SPAG16: variants seen among roughly 807,000 people sequenced by gnomAD.
SPAG16 encodes the protein sperm associated antigen 16, also known as sperm-associated antigen 16 protein.
SPAG16 carries 86 observed loss-of-function variants against 80.4 expected under a neutral mutation model. The ratio of observed to expected loss-of-function variants is 1.07; its 90% confidence interval spans 0.90 to 1.28. The LOEUF (loss-of-function observed/expected upper bound fraction) is 1.28. SPAG16 is among the 50% of genes most tolerant of loss of function. The probability of loss-of-function intolerance (pLI) is 0.00; values close to 1 mark genes in which losing one functional copy is unlikely to be tolerated. For missense variants in SPAG16, 870 were observed against 765.3 expected, an observed-to-expected ratio of 1.14 and a Z score of -1.61; for synonymous variants, 294 against 265.9, an observed-to-expected ratio of 1.11 and a Z score of -1.03.
Position 214,379,594 on chromosome 2 carries a change from G to A in SPAG16, c.1721-30546G>A, listed in dbSNP as rs553656213. ...GGAGGCTAAGAAGTCTGAAGACATC[G>A]GACATTCTCCAAATTTATGTAAATT... is the stretch of plus-strand genomic sequence containing the variant. On this transcript the variant is annotated intron_variant, in intron 15 of 15. Transcript: ENST00000331683. Among the ~76,000 whole-genome samples the A allele has an allele frequency of 5.9e-5, 9 of 152,270 alleles. 1 individual carries two copies. The highest frequency in any genetic ancestry group is 3.9e-4 in the Admixed American group (6 of 15,296).
intron 14 of SPAG16, among the ~76,000 whole-genome samples, chr2:214,134,903 A>G (rs926937799): frequency 6.6e-6 from 1 of 152,146 alleles, no homozygotes; most frequent in Admixed American, 6.6e-5. Flanking sequence ...CACATTCCCC[A>G]TGGAGTAGTA....
intron 9 of SPAG16, among the ~76,000 whole-genome samples, chr2:213,474,865 A>C (rs2073283730): frequency 1.3e-5 from 2 of 152,142 alleles, no homozygotes; most frequent in African/African-American, 4.8e-5. Flanking sequence ...CCACTGACTC[A>C]AATGTTAATC....
chr2:214,166,881 A>G (rs1449107654), intron 15 of SPAG16, among the ~76,000 whole-genome samples: 1 of 152,180 alleles, frequency 6.6e-6, no homozygotes, highest in East Asian at 1.9e-4. Context: ...ATGAAAATAA[A>G]TAATGCTAGT....
At chr2:213,440,115 G>A (rs2070852897) in intron 9 of SPAG16, among the ~76,000 whole-genome samples, 1 of 152,164 alleles carries the variant, frequency 6.6e-6, no homozygotes, top group South Asian at 2.1e-4. Context: ...AGTTTTGTGT[G>A]TGTGTGTGTT....
intron 14 of SPAG16, among the ~76,000 whole-genome samples, chr2:214,141,752 A>T (rs2055372168): frequency 6.6e-6 from 1 of 152,132 alleles, no homozygotes; most frequent in South Asian, 2.1e-4. Flanking sequence ...ATTAATTGAA[A>T]TGTCTTTAAA....
intron 10 of SPAG16, among the ~76,000 whole-genome samples, chr2:213,850,909 A>G (rs1016924395): frequency 3.9e-5 from 6 of 152,074 alleles, no homozygotes; most frequent in African/African-American, 1.4e-4. Context: ...TTCTCATAAC[A>G]TACCAGTCTA....
At chr2:214,100,538 T>A (rs1362087676) in intron 13 of SPAG16, among the ~76,000 whole-genome samples, 1 of 152,082 alleles carries the variant, frequency 6.6e-6, no homozygotes, top group African/African-American at 2.4e-5. Context: ...TTCTCCCACC[T>A]TCCACCCTCA....
intron 9 of SPAG16, among the ~76,000 whole-genome samples, chr2:213,396,107 G>T (rs1319900629): frequency 6.6e-6 from 1 of 152,000 alleles, no homozygotes; most frequent in Non-Finnish European, 1.5e-5. Context: ...AACATATTTG[G>T]ATATATCCTA....
Position 213,579,959 on chromosome 2 carries a change from A to G in SPAG16, c.1070+89869A>G, listed in dbSNP as rs142074438. On this transcript the variant is annotated intron_variant, in intron 10 of 15. Coordinates refer to ENST00000331683, the MANE Select transcript of SPAG16 (RefSeq NM_024532.5). The stretch of plus-strand genomic sequence containing the variant: ...GGAGATTAACATTGTTTATCTAAAT[A>G]CTGATGGGGTTCAAAACATACTATA... 5.1e-3 allele frequency among the ~76,000 whole-genome samples: 770 copies of G among 152,258 alleles called. 10 individuals are homozygous for G. Among genetic ancestry groups the G allele is most frequent in the African/African-American group, 0.017 (727 of 41,574 alleles).
chr2:214,265,322 T>C (rs56166027), intron 15 of SPAG16, among the ~76,000 whole-genome samples: 59,815 of 151,958 alleles, frequency 0.39, 14,521 homozygotes, highest in South Asian at 0.57. Flanking sequence ...TAGTATCTCA[T>C]TGTTGTTTTA....
chr2:213,658,319 C>T (rs2063296913), intron 10 of SPAG16, among the ~76,000 whole-genome samples: 2 of 152,128 alleles, frequency 1.3e-5, no homozygotes. Flanking sequence ...TCAACTTCCT[C>T]ATAATCTAGC....
At chr2:214,168,854 A>G (rs900851073) in intron 15 of SPAG16, among the ~76,000 whole-genome samples, 8 of 149,292 alleles carry the variant, frequency 5.4e-5, no homozygotes, top group African/African-American at 2.1e-4. Flanking sequence ...CTTCCAAAGG[A>G]TGTGGTACTA....
intron 12 of SPAG16, among the ~76,000 whole-genome samples, chr2:213,951,663 A>G (rs1575632115): frequency 1.3e-5 from 2 of 152,210 alleles, no homozygotes; most frequent in Admixed American, 6.5e-5. Context: ...AAATATGACA[A>G]AAGAGTATAA....
chr2:214,043,120 G>A (rs1216786455), intron 13 of SPAG16, among the ~76,000 whole-genome samples: 1 of 151,614 alleles, frequency 6.6e-6, no homozygotes, highest in East Asian at 1.9e-4. Context: ...CCTTAGTCAT[G>A]CAGTTCTGCC....
At chr2:213,555,449 C>T (rs984121738) in intron 10 of SPAG16, among the ~76,000 whole-genome samples, 1 of 152,174 alleles carries the variant, frequency 6.6e-6, no homozygotes, top group Admixed American at 6.5e-5. Flanking sequence ...TCCTGCCACC[C>T]TGTAAAGAAG....
chr2:214,402,002 T>C (rs1182143919), intron 15 of SPAG16, among the ~76,000 whole-genome samples: 2 of 151,946 alleles, frequency 1.3e-5, no homozygotes, highest in African/African-American at 2.4e-5. Context: ...CCAACTTATA[T>C]ATCCACAGTT....
intron 12 of SPAG16, among the ~76,000 whole-genome samples, chr2:213,936,406 A>G (rs1352112103): frequency 6.6e-6 from 1 of 152,312 alleles, no homozygotes; most frequent in South Asian, 2.1e-4. Context: ...TTTACACTCT[A>G]ATAAGATGAC....
intron 9 of SPAG16, among the ~76,000 whole-genome samples, chr2:213,474,442 T>C (rs1234258073): frequency 6.6e-6 from 1 of 152,188 alleles, no homozygotes; most frequent in Non-Finnish European, 1.5e-5. Context: ...CTTTGTCTAC[T>C]GAACTTAGGA....
chr2:214,111,274 G>T (rs985256149), intron 14 of SPAG16, among the ~76,000 whole-genome samples: 17 of 152,006 alleles, frequency 1.1e-4, no homozygotes, highest in African/African-American at 1.9e-4. Flanking sequence ...GTCTAACATT[G>T]AAGTCTTTAT....
Sources: allele counts gnomAD v4.1 joint callset (sites outside exome capture counted in the v4.1 genomes callset), GRCh38; gene constraint gnomAD v4.1.1; transcripts MANE v1.5; gene names NCBI Gene and HGNC (gene_info 2026-07-23, HGNC 2026-07-21).